The following SRGAP1 variants were observed in gnomAD, a reference collection of about 807,000 sequenced individuals.
The protein encoded by SRGAP1 is SLIT-ROBO Rho GTPase activating protein 1.
A neutral mutation model predicts 121.9 loss-of-function variants in SRGAP1; 43 were observed. That is an observed-to-expected ratio of 0.35 (90% CI 0.28 to 0.46). SRGAP1 has a LOEUF of 0.46. Ranked by LOEUF, SRGAP1 falls within the 20% of genes least tolerant of loss-of-function variation. SRGAP1 has a pLI of 1.00. For synonymous variants in SRGAP1, 447 were observed against 485.4 expected (o/e 0.92, Z 1.04); for missense variants, 1,102 against 1,350.9 (o/e 0.82, Z 2.89).
At chr12:64,032,767 TGTGA>T (rs1378449141) in intron 4 of SRGAP1, 5 of 210,952 alleles carry the variant, frequency 2.4e-5, no homozygotes, top group African/African-American at 1.1e-4. Context: ...TTAGCCTGTC[TGTGA>T]ATTTTCTGCT....
At chr12:64,002,188 A>T (rs114247780) in intron 3 of SRGAP1, among the ~76,000 whole-genome samples, 223 of 152,310 alleles carry the variant, frequency 1.5e-3, no homozygotes, top group African/African-American at 5.0e-3. Context: ...GAAAATAAAG[A>T]TGATCCCAAA....
chr12:64,082,001 C>CTTTTTTTTTTT lies in SRGAP1; in HGVS notation c.1408+1642_1408+1652dup. 92 of 66,134 alleles carry CTTTTTTTTTTT rather than the reference C, an allele frequency of 1.4e-3. 1 individual carries two copies. Among genetic ancestry groups the CTTTTTTTTTTT allele is most frequent in the South Asian group, 2.5e-3 (3 of 1,184 alleles). The allele number at this position is 66,134 out of a possible 1,614,324, so 4.1% of individuals were successfully genotyped here. On this transcript the variant is annotated intron_variant, in intron 10 of 21. Coordinates refer to ENST00000355086, the MANE Select transcript of SRGAP1 (RefSeq NM_020762.4). ...TTTCCCTCACAGTGTCATGTAAGGTCTTTTTTTTTTTTTTTTTTTTTCAAT... is the reference window on the plus strand; with the variant it reads ...TTTCCCTCACAGTGTCATGTAAGGTCTTTTTTTTTTTTTTTTTTTTTTTTTTTTTTTTCAAT...
In SRGAP1 at chr12:64,062,994, C is replaced by G. The variant is rs200530268; in HGVS notation, c.879C>G (p.Thr293=). The change falls in exon 7 of 22, where the codon ACC becomes ACG. Residue 293 remains threonine (T), a synonymous_variant. Transcript: ENST00000355086. ...TGTCTGCGGAGTACAACCTTGAAAC[C>G]TCCAGACATGAGGGCTTAGACATTA... is the stretch of plus-strand genomic sequence containing the variant. The part of the protein sequence containing the change: ...TYLSAEYNLE[T]SRHEGLDIIE... 3.1e-5 allele frequency: 50 copies of G among 1,614,016 alleles called. No homozygotes were observed. In the Admixed American group the frequency reaches 4.0e-4, roughly 13 times the overall value.
At position 64,042,853 on chromosome 12, in the gene SRGAP1, G is replaced by A; in HGVS notation, c.553G>A (p.Ala185Thr). 1.2e-6 allele frequency: 2 copies of A among 1,613,842 alleles called. No individual in the cohort carries two copies. Among genetic ancestry groups the A allele is most frequent in the South Asian group, 2.2e-5 (2 of 91,058 alleles). The stretch of plus-strand genomic sequence containing the variant: ...CAGTGCAGAGAGCAAGCTGAAAGAG[G>A]CCGAAAAACAAGAGGAAAAGCAAAT... Reference protein sequence around the residue: ...SISAESKLKEAEKQEEKQIGR... With the variant: ...SISAESKLKETEKQEEKQIGR... Residue 185 changes from alanine to threonine, a missense_variant, in exon 5 of 22, where the codon GCC becomes ACC. By Grantham distance (58) the Ala-to-Thr change is moderately conservative. This residue lies in a region of SRGAP1 where 747 missense variants were observed against 929.4 expected (regional missense o/e 0.80). Coordinates refer to ENST00000355086, the MANE Select transcript of SRGAP1 (RefSeq NM_020762.4).
rs141785617 is a variant in SRGAP1 at position 64,047,939 on chromosome 12, C to T, written c.801+4364C>T. On this transcript the variant is annotated intron_variant, in intron 6 of 21. Coordinates refer to ENST00000355086, the MANE Select transcript of SRGAP1 (RefSeq NM_020762.4). Reference sequence around the variant, plus strand: ...CATAATAATCACATCAGGGTAAATGCGGTATTCATCACCTCAAGCATTTAT... The same window carrying T: ...CATAATAATCACATCAGGGTAAATGTGGTATTCATCACCTCAAGCATTTAT... 2.4e-3 allele frequency among the ~76,000 whole-genome samples: 371 copies of T among 152,130 alleles called. 1 individual carries two copies. Among genetic ancestry groups the T allele is most frequent in the African/African-American group, 8.4e-3 (347 of 41,514 alleles).
chr12:64,113,584 A>G (rs2036468588), intron 17 of SRGAP1, among the ~76,000 whole-genome samples: 1 of 152,188 alleles, frequency 6.6e-6, no homozygotes, highest in South Asian at 2.1e-4. Context: ...ATCATTACAC[A>G]TTGTATATGG....
At chr12:63,984,737 C>G (rs2033365622) in intron 2 of SRGAP1, among the ~76,000 whole-genome samples, 1 of 152,040 alleles carries the variant, frequency 6.6e-6, no homozygotes, top group Non-Finnish European at 1.5e-5. Flanking sequence ...GGGACAGGGC[C>G]AGGTGGGGTG....
chr12:63,924,997 G>A (rs1029389822), intron 1 of SRGAP1, among the ~76,000 whole-genome samples: 1 of 151,836 alleles, frequency 6.6e-6, no homozygotes, highest in East Asian at 1.9e-4. Context: ...GCTATTTATG[G>A]CTCTCAAGTG....
intron 18 of SRGAP1, among the ~76,000 whole-genome samples, chr12:64,117,151 G>A (rs547052400): frequency 4.2e-4 from 64 of 152,274 alleles, no homozygotes; most frequent in South Asian, 1.0e-3. Context: ...TTGCTTGTGG[G>A]TGAGTTGTTT....
chr12:63,863,318 G>A (rs930431955), intron 1 of SRGAP1, among the ~76,000 whole-genome samples: 2 of 150,666 alleles, frequency 1.3e-5, no homozygotes, highest in African/African-American at 4.9e-5. Context: ...TATCGCCCAG[G>A]CTGGAGTGCA....
At chr12:64,020,157 T>C (rs1291018777) in intron 4 of SRGAP1, among the ~76,000 whole-genome samples, 3 of 152,186 alleles carry the variant, frequency 2.0e-5, no homozygotes, top group Admixed American at 6.5e-5. Flanking sequence ...GAAGGCTGTG[T>C]CTCAAATAAA....
At chr12:63,923,920 T>C (rs751508667) in intron 1 of SRGAP1, among the ~76,000 whole-genome samples, 173 of 152,334 alleles carry the variant, frequency 1.1e-3, no homozygotes, top group Middle Eastern at 6.8e-3. Context: ...GGCAGGCGGA[T>C]CACCTGAGGT....
intron 21 of SRGAP1, among the ~76,000 whole-genome samples, chr12:64,137,961 A>ATATATATATATATATATAT (rs1555177364): frequency 7.2e-6 from 1 of 139,684 alleles, no homozygotes; most frequent in African/African-American, 2.7e-5. Flanking sequence ...TTAAAAAAAA[A>ATATATATATATATATATAT]ATATATATAT....
intron 1 of SRGAP1, among the ~76,000 whole-genome samples, chr12:63,948,961 A>ATG (rs2032162396): frequency 2.3e-5 from 2 of 88,244 alleles, no homozygotes; most frequent in East Asian, 4.7e-4. Flanking sequence ...TATTCCATAT[A>ATG]TATATTTTCC....
intron 4 of SRGAP1, among the ~76,000 whole-genome samples, chr12:64,023,471 T>G (rs1394084040): frequency 1.3e-5 from 2 of 152,176 alleles, no homozygotes; most frequent in Non-Finnish European, 2.9e-5. Context: ...AGAAAAACCA[T>G]GATTTGCCCT....
chr12:63,847,422 A>G (rs1272003411), intron 1 of SRGAP1, among the ~76,000 whole-genome samples: 1 of 152,194 alleles, frequency 6.6e-6, no homozygotes, highest in African/African-American at 2.4e-5. Flanking sequence ...ATTCTGTTCT[A>G]TTGCTAAAGG....
At chr12:64,032,251 G>A (rs1174674682) in intron 4 of SRGAP1, among the ~76,000 whole-genome samples, 2 of 152,166 alleles carry the variant, frequency 1.3e-5, no homozygotes, top group African/African-American at 4.8e-5. Context: ...GGAAGAGGAG[G>A]GACCAGCTCC....
intron 15 of SRGAP1, among the ~76,000 whole-genome samples, chr12:64,103,236 C>A (rs75564797): frequency 0.046 from 7,010 of 152,248 alleles, 297 homozygotes; most frequent in South Asian, 0.12. Context: ...CCCTCCTCGC[C>A]CTCCCAAAGT....
intron 1 of SRGAP1, among the ~76,000 whole-genome samples, chr12:63,923,774 G>A (rs997587262): frequency 6.6e-6 from 1 of 152,178 alleles, no homozygotes; most frequent in Non-Finnish European, 1.5e-5. Context: ...TGATTCTTAA[G>A]GGACTAAATT....
Sources: gnomAD v4.1 joint callset for allele counts (sites outside exome capture counted in the v4.1 genomes callset) on GRCh38, gnomAD v4.1.1 for gene constraint, gnomAD v4.1.1 regional missense constraint, MANE v1.5 for transcripts, NCBI Gene and HGNC (gene_info 2026-07-23, HGNC 2026-07-21) for gene names.